RGS20: variants seen among roughly 807,000 people sequenced by gnomAD.
RGS20 encodes the protein gz-selective GTPase-activating protein.
A neutral mutation model predicts 33.6 loss-of-function variants in RGS20; 30 were observed. That is an observed-to-expected ratio of 0.89 (90% CI 0.67 to 1.21). RGS20 has a LOEUF of 1.21. Ranked by LOEUF, RGS20 falls within the 50% of genes most tolerant of loss-of-function variation. The pLI is 0.00. For synonymous variants in RGS20, 208 were observed against 197.9 expected, an observed-to-expected ratio of 1.05 and a Z score of -0.43; for missense variants, 472 against 502.4, an observed-to-expected ratio of 0.94 and a Z score of 0.58.
intron 2 of RGS20, among the ~76,000 whole-genome samples, chr8:53,890,382 A>G (rs1008070027): frequency 1.3e-5 from 2 of 152,144 alleles, no homozygotes; most frequent in Admixed American, 6.6e-5. Flanking sequence ...ATTCTTATCT[A>G]CTAAATCCAA....
At chr8:53,882,068 C>A (rs1318132804) in intron 2 of RGS20, among the ~76,000 whole-genome samples, 1 of 151,706 alleles carries the variant, frequency 6.6e-6, no homozygotes, top group Non-Finnish European at 1.5e-5. Flanking sequence ...GTGGCTTTCC[C>A]GTCTCTGTGT....
intron 2 of RGS20, among the ~76,000 whole-genome samples, chr8:53,929,383 A>C (rs997560586): frequency 6.6e-5 from 10 of 152,210 alleles, no homozygotes; most frequent in Non-Finnish European, 1.2e-4. Flanking sequence ...AATTTTTTTA[A>C]AAATGTATAA....
chr8:53,940,227 T>C (rs16919692), intron 3 of RGS20, among the ~76,000 whole-genome samples: 71,121 of 152,042 alleles, frequency 0.47, 18,222 homozygotes, highest in African/African-American at 0.68. Flanking sequence ...GCTAACTTAC[T>C]GGGTAGAGGA....
intron 2 of RGS20, among the ~76,000 whole-genome samples, chr8:53,881,368 T>C (rs1384797): frequency 0.15 from 22,542 of 151,930 alleles, 3,682 homozygotes; most frequent in African/African-American, 0.38. Flanking sequence ...CCTCTGCGGC[T>C]TCGCGTCGGT....
chr8:53,883,356 G>T (rs1224993214), intron 2 of RGS20, among the ~76,000 whole-genome samples: 1 of 151,816 alleles, frequency 6.6e-6, no homozygotes, highest in Non-Finnish European at 1.5e-5. Context: ...TGGAGACGGG[G>T]TTTCTCCATG....
chr8:53,887,918 G>A (rs921637867), intron 2 of RGS20, among the ~76,000 whole-genome samples: 1 of 152,088 alleles, frequency 6.6e-6, no homozygotes, highest in Middle Eastern at 3.4e-3. Flanking sequence ...CACTGAGGTT[G>A]CAGTGGGCCA....
chr8:53,907,178 C>G (rs1813204158), intron 2 of RGS20, among the ~76,000 whole-genome samples: 1 of 152,204 alleles, frequency 6.6e-6, no homozygotes, highest in South Asian at 2.1e-4. Context: ...TGGTCCCATT[C>G]TTCCTTATCT....
intron 2 of RGS20, among the ~76,000 whole-genome samples, chr8:53,885,981 G>T (rs538961200): frequency 2.0e-5 from 3 of 152,176 alleles, no homozygotes; most frequent in Non-Finnish European, 4.4e-5. Flanking sequence ...CATGTGTCAA[G>T]TTAGGTCCCA....
intron 3 of RGS20, among the ~76,000 whole-genome samples, chr8:53,945,759 C>T (rs1814455387): frequency 6.6e-6 from 1 of 151,952 alleles, no homozygotes; most frequent in African/African-American, 2.4e-5. Context: ...AAAAAGTAGC[C>T]GGGCGTGTTG....
At chr8:53,907,641 C>T (rs753150902) in intron 2 of RGS20, among the ~76,000 whole-genome samples, 23 of 151,934 alleles carry the variant, frequency 1.5e-4, no homozygotes, top group Non-Finnish European at 2.8e-4. Flanking sequence ...GTAAGAGAGA[C>T]GCTCTTGGGG....
In RGS20 at chr8:53,851,974, TCTGCCC is replaced by T. The variant is rs1286271385; in HGVS notation, c.79_84del (p.Pro27_Leu28del). ...CCAGGCCGTCTATATGGACACAGTT[TCTGCCC>T]CTGTTCAGGGCTCAGAGATATAATA... On this transcript the variant is annotated inframe_deletion, in exon 1 of 6. Coordinates refer to ENST00000297313, the MANE Select transcript of RGS20 (RefSeq NM_170587.4). 6.2e-7 allele frequency: 1 copy of T among 1,614,088 alleles called. No homozygotes were observed. The highest frequency in any genetic ancestry group is 2.2e-5 in the East Asian group (1 of 44,896).
chr8:53,909,083 G>A (rs1813263544), intron 2 of RGS20, among the ~76,000 whole-genome samples: 1 of 150,454 alleles, frequency 6.6e-6, no homozygotes, highest in African/African-American at 2.4e-5. Context: ...AACCCCATGA[G>A]CCAGATACTA....
chr8:53,890,592 C>T (rs1352054201), intron 2 of RGS20, among the ~76,000 whole-genome samples: 2 of 152,228 alleles, frequency 1.3e-5, no homozygotes, highest in African/African-American at 2.4e-5. Context: ...GGGCTGATCA[C>T]TTCAGGCCAG....
In RGS20 at chr8:53,939,647, C is replaced by G; in HGVS notation, c.582C>G (p.Ala194=). The change falls in exon 3 of 6, where the codon GCC becomes GCG. Residue 194 remains alanine, a synonymous_variant. Coordinates refer to ENST00000297313, the MANE Select transcript of RGS20 (RefSeq NM_170587.4). The stretch of plus-strand genomic sequence containing the variant: ...CCGCCCAGGACACACCAGGCGCCGC[C>G]CCAGGCCAGCCCGGAGCGGGGAGTC... 6.3e-7 allele frequency: 1 copy of G among 1,596,158 alleles called. No homozygotes were observed. Among genetic ancestry groups the G allele is most frequent in the Non-Finnish European group, 8.5e-7 (1 of 1,172,332 alleles).
intron 2 of RGS20, among the ~76,000 whole-genome samples, chr8:53,886,098 G>C (rs1812535934): frequency 6.6e-6 from 1 of 152,186 alleles, no homozygotes; most frequent in African/African-American, 2.4e-5. Flanking sequence ...CAAGTACAGT[G>C]TCAGTCAGCA....
At position 53,918,118 on chromosome 8, in the gene RGS20, T is replaced by C. The variant is rs148907006; in HGVS notation, c.511-21458T>C. 8.3e-3 allele frequency among the ~76,000 whole-genome samples: 1,262 copies of C among 152,330 alleles called. 10 individuals carry two copies. The highest frequency in any genetic ancestry group is 0.029 in the African/African-American group (1,198 of 41,574). ...AATCATACACCGTAAGGCTCACCATTTTACAATATACAGTTCAGTAGTTCT... is the reference window on the plus strand; with the variant it reads ...AATCATACACCGTAAGGCTCACCATCTTACAATATACAGTTCAGTAGTTCT... On this transcript the variant is annotated intron_variant, in intron 2 of 5. Transcript: ENST00000297313.
chr8:53,881,678 A>G (rs1308047874), intron 2 of RGS20, among the ~76,000 whole-genome samples: 1 of 152,166 alleles, frequency 6.6e-6, no homozygotes, highest in Non-Finnish European at 1.5e-5. Context: ...AAGACCGACT[A>G]GGTATGGGCG....
Position 53,877,889 on chromosome 8 carries a change from G to A in RGS20, c.166-1369G>A, listed in dbSNP as rs1027272376. On this transcript the variant is annotated intron_variant, in intron 1 of 5. Coordinates refer to ENST00000297313, the MANE Select transcript of RGS20 (RefSeq NM_170587.4). This position sits in a 1 kb window ranked among gnomAD's most constrained non-coding sequence, Gnocchi z 5.7. ...TTTCCTTCCCTCTCTCCTGACAATC[G>A]CTTCCCACAAGACTTCCACCGCCGA... Among the ~76,000 whole-genome samples, 1 of 152,144 alleles carries A rather than the reference G, an allele frequency of 6.6e-6. No individual in the cohort carries two copies. The highest frequency in any genetic ancestry group is 2.4e-5 in the African/African-American group (1 of 41,432).
chr8:53,949,664 C>T (rs1465858573), intron 4 of RGS20, among the ~76,000 whole-genome samples: 10 of 148,576 alleles, frequency 6.7e-5, no homozygotes, highest in Non-Finnish European at 1.3e-4. Context: ...TTGCAGTGAG[C>T]CAAGATTGCA....
Sources: gnomAD v4.1 joint callset for allele counts (sites outside exome capture counted in the v4.1 genomes callset) on GRCh38, gnomAD v4.1.1 for gene constraint, Gnocchi (gnomAD v3.1) non-coding constraint, MANE v1.5 for transcripts, NCBI Gene and HGNC (gene_info 2026-07-23, HGNC 2026-07-21) for gene names.